The following PGLYRP3 variants were observed in gnomAD, a reference collection of about 807,000 sequenced individuals.
PGLYRP3 encodes the protein peptidoglycan recognition protein 3.
Under a neutral mutation model 36.0 loss-of-function variants are expected in PGLYRP3, and 39 were observed. The observed-to-expected ratio is 1.08, with a 90% CI of 0.84 to 1.41. The LOEUF is 1.41. Ranked by LOEUF, PGLYRP3 falls within the 40% of genes most tolerant of loss-of-function variation. The pLI is 0.00. For missense variants in PGLYRP3, 407 were observed against 427.9 expected (o/e 0.95, Z 0.43); for synonymous variants, 204 against 172.8 (o/e 1.18, Z -1.42).
At position 153,310,692 on chromosome 1, in the gene PGLYRP3, G is replaced by C. The variant is rs773554069; in HGVS notation, c.-27C>G. ...TGGTCCCAGGACTCTGACCGGGAGA[G>C]TGTGGACGGCAGCCCTGGAAGAGAG... On this transcript the variant is annotated 5_prime_UTR_variant, in exon 2 of 8. Transcript: ENST00000683862. 1 of 1,610,060 alleles carries C rather than the reference G, an allele frequency of 6.2e-7. No homozygotes were observed. Among genetic ancestry groups the C allele is most frequent in the East Asian group, 2.2e-5 (1 of 44,840 alleles).
intron 3 of PGLYRP3, among the ~76,000 whole-genome samples, chr1:153,306,483 C>G (rs1472308813): frequency 6.6e-6 from 1 of 152,246 alleles, no homozygotes; most frequent in Admixed American, 6.5e-5. Flanking sequence ...AAAGCCCACT[C>G]TCCCCGGTGG....
intron 5 of PGLYRP3, 70 bp downstream of exon 5, chr1:153,303,787 T>A: frequency 6.6e-7 from 1 of 1,516,554 alleles, no homozygotes; most frequent in East Asian, 2.3e-5. Flanking sequence ...GAAAAAGCAC[T>A]CCCAAACATG....
chr1:153,308,890 T>A (rs1328766309), intron 2 of PGLYRP3, among the ~76,000 whole-genome samples: 1 of 152,180 alleles, frequency 6.6e-6, no homozygotes, highest in African/African-American at 2.4e-5. Flanking sequence ...CCTGCTGCCT[T>A]ATCTGGGCAG....
At chr1:153,305,785 T>C (rs1432281117) in intron 3 of PGLYRP3, among the ~76,000 whole-genome samples, 2 of 152,216 alleles carry the variant, frequency 1.3e-5, no homozygotes, top group Admixed American at 6.5e-5. Flanking sequence ...CCTACACCGA[T>C]GTCGACATGA....
At position 153,300,652 on chromosome 1, in the gene PGLYRP3, A is replaced by G. The variant is rs576168122; in HGVS notation, c.729-1421T>C. Among the ~76,000 whole-genome samples, 3 of 152,366 alleles carry G rather than the reference A, an allele frequency of 2.0e-5. No homozygotes were observed. The South Asian group carries it at 6.2e-4, about 32-fold the overall frequency. On this transcript the variant is annotated intron_variant, in intron 6 of 7. Coordinates refer to ENST00000683862, the MANE Select transcript of PGLYRP3 (RefSeq NM_052891.3). ...AAAACTTTCAAAACTGCAGCTTGTT[A>G]CTAGTCACAAGGACATCTGGCTGAT...
At chr1:153,298,505 A>G (rs1281859474) in intron 7 of PGLYRP3, among the ~76,000 whole-genome samples, 1 of 152,028 alleles carries the variant, frequency 6.6e-6, no homozygotes, top group African/African-American at 2.4e-5. Context: ...ATACAAAAAA[A>G]TTAGCCGGGC....
chr1:153,299,241 G>A lies in PGLYRP3; in HGVS notation c.729-10C>T. On this transcript the variant is annotated splice_polypyrimidine_tract_variant and intron_variant, in intron 6 of 7. Transcript: ENST00000683862. Reference sequence around the variant, plus strand: ...CTGGCCCACCAGGAAGCTTAGGTCAGGAAAAGAAAATGAAGACAGTCACTC... The same window carrying A: ...CTGGCCCACCAGGAAGCTTAGGTCAAGAAAAGAAAATGAAGACAGTCACTC... 1 of 1,606,482 alleles carries A rather than the reference G, an allele frequency of 6.2e-7. No individual in the cohort carries two copies. Among genetic ancestry groups the A allele is most frequent in the Non-Finnish European group, 8.5e-7 (1 of 1,173,546 alleles).
At chr1:153,306,519 G>A (rs74336207) in intron 3 of PGLYRP3, among the ~76,000 whole-genome samples, 2,468 of 152,306 alleles carry the variant, frequency 0.016, 70 homozygotes, top group African/African-American at 0.056. Context: ...TGTCAGAGTG[G>A]TCTTTCAGGG....
chr1:153,309,596 C>A (rs821426), intron 2 of PGLYRP3, among the ~76,000 whole-genome samples: 128,832 of 152,118 alleles, frequency 0.85, 54,584 homozygotes, highest in Middle Eastern at 0.87. Flanking sequence ...TGACCAGGAC[C>A]CCAAGTCCAA....
chr1:153,307,440 C>T (rs952058163), intron 2 of PGLYRP3, among the ~76,000 whole-genome samples, 173 bp from the exon 3 acceptor site: 1 of 152,120 alleles, frequency 6.6e-6, no homozygotes, highest in Admixed American at 6.5e-5. Flanking sequence ...TGTGGCTGAA[C>T]CACTGCCCAG....
intron 2 of PGLYRP3, among the ~76,000 whole-genome samples, chr1:153,307,790 G>T (rs922127731): frequency 6.6e-6 from 1 of 152,060 alleles, no homozygotes; most frequent in Admixed American, 6.5e-5. Context: ...ATAAACACGG[G>T]GTCTGCACCT....
intron 7 of PGLYRP3, among the ~76,000 whole-genome samples, chr1:153,298,527 C>G (rs370754291): frequency 2.6e-5 from 4 of 152,244 alleles, no homozygotes; most frequent in African/African-American, 9.6e-5. Flanking sequence ...CCTGTAGTCC[C>G]AGCTACTCGA....
Position 153,307,070 on chromosome 1 carries a change from A to G in PGLYRP3, c.253T>C (p.Tyr85His). ...GGGACTTGGCTAGCCTCTTACTTGT[A>G]CGCCACGTCGCACCAGCCTATGGTG... ...VYTIGWCDVAYNFLVGDDGRV... is the reference protein window; with the variant it reads ...VYTIGWCDVAHNFLVGDDGRV... The change falls in exon 3 of 8, where the codon TAC (tyrosine) becomes CAC (histidine). Residue 85 changes from tyrosine (Y) to histidine (H), a missense_variant. Coordinates refer to ENST00000683862, the MANE Select transcript of PGLYRP3 (RefSeq NM_052891.3). The G allele has an allele frequency of 6.2e-7, 1 of 1,613,560 alleles. No homozygotes were observed. The highest frequency in any genetic ancestry group is 8.5e-7 in the Non-Finnish European group (1 of 1,179,794).
At chr1:153,303,591 A>G (rs72706896) in intron 5 of PGLYRP3, among the ~76,000 whole-genome samples, 7,323 of 152,348 alleles carry the variant, frequency 0.048, 198 homozygotes, top group Middle Eastern at 0.058. Context: ...AGTGCCTGCT[A>G]TGCAGTAAAT....
chr1:153,298,999 A>T (rs1659517549), intron 7 of PGLYRP3, 114 bp downstream of exon 7: 2 of 814,326 alleles, frequency 2.5e-6, no homozygotes, highest in Non-Finnish European at 4.2e-6. Flanking sequence ...TAAAGCTAAA[A>T]TGTTCCATTC....
intron 2 of PGLYRP3, among the ~76,000 whole-genome samples, chr1:153,309,426 C>G (rs1659842732): frequency 6.6e-6 from 1 of 152,204 alleles, no homozygotes; most frequent in African/African-American, 2.4e-5. Context: ...AGCCCCTGTT[C>G]ATAACAACTG....
chr1:153,301,759 T>G (rs1432304150), intron 6 of PGLYRP3, among the ~76,000 whole-genome samples: 1 of 152,270 alleles, frequency 6.6e-6, no homozygotes, highest in Non-Finnish European at 1.5e-5. Context: ...TACATTATAC[T>G]CTAGCCCTAA....
At chr1:153,299,031 C>T in intron 7 of PGLYRP3, 82 bp downstream of exon 7, 1 of 1,138,346 alleles carries the variant, frequency 8.8e-7, no homozygotes, top group Non-Finnish European at 1.3e-6. Context: ...CACTACAGGG[C>T]TGCCTTTCCC....
At chr1:153,303,066 T>C (rs1193076737) in intron 5 of PGLYRP3, among the ~76,000 whole-genome samples, 2 of 152,240 alleles carry the variant, frequency 1.3e-5, no homozygotes, top group Non-Finnish European at 2.9e-5. Flanking sequence ...TTATTGAAGA[T>C]AGTGCCTGTC....
Sources: gnomAD v4.1 joint callset for allele counts (sites outside exome capture counted in the v4.1 genomes callset) on GRCh38, gnomAD v4.1.1 for gene constraint, MANE v1.5 for transcripts, NCBI Gene and HGNC (gene_info 2026-07-23, HGNC 2026-07-21) for gene names.